SNTG2: variants seen among roughly 807,000 people sequenced by gnomAD.
The protein encoded by SNTG2 is gamma-2-syntrophin.
In SNTG2, 74 loss-of-function variants were observed where a neutral mutation model predicts 70.9. That is an observed-to-expected ratio of 1.04 (90% CI 0.86 to 1.27). The LOEUF (loss-of-function observed/expected upper bound fraction) is 1.27, where lower values mean the gene tolerates loss of function less well. Ranked by LOEUF, SNTG2 falls within the 50% of genes most tolerant of loss-of-function variation. The pLI is 0.00. For missense variants in SNTG2, 717 were observed against 690.7 expected (o/e 1.04, Z -0.43); for synonymous variants, 278 against 273.8 (o/e 1.02, Z -0.15).
chr2:1,009,227 A>G (rs369446512), intron 1 of SNTG2, among the ~76,000 whole-genome samples: 43 of 94,030 alleles, frequency 4.6e-4, no homozygotes, highest in Middle Eastern at 0.014. Flanking sequence ...CTGTGTCCCC[A>G]GGAAGACATG....
At chr2:1,075,623 G>A (rs3936135) in intron 1 of SNTG2, among the ~76,000 whole-genome samples, 1 of 152,064 alleles carries the variant, frequency 6.6e-6, no homozygotes, top group African/African-American at 2.4e-5. Flanking sequence ...CTTCTTATCC[G>A]AATTGTTTTG....
At chr2:1,082,458 G>A (rs918700228) in intron 1 of SNTG2, among the ~76,000 whole-genome samples, 4 of 152,156 alleles carry the variant, frequency 2.6e-5, no homozygotes, top group African/African-American at 4.8e-5. Flanking sequence ...TCCTTCACAC[G>A]TGGGGACCTC....
At chr2:951,104 C>G in intron 1 of SNTG2, 36 bp downstream of exon 1, 1 of 1,085,516 alleles carries the variant, frequency 9.2e-7, no homozygotes, top group Non-Finnish European at 1.2e-6. Context: ...TCACCTCCGG[C>G]CCCCCTTCCC....
intron 8 of SNTG2, among the ~76,000 whole-genome samples, chr2:1,189,148 A>G (rs919186526): frequency 1.3e-5 from 2 of 152,204 alleles, no homozygotes; most frequent in Non-Finnish European, 2.9e-5. Flanking sequence ...AACTACAATT[A>G]TATTCAAAAA....
chr2:1,328,892 CAT>C (rs1316028232), intron 16 of SNTG2, among the ~76,000 whole-genome samples: 4 of 147,460 alleles, frequency 2.7e-5, no homozygotes, highest in African/African-American at 1.0e-4. Context: ...CGCATACACA[CAT>C]GCATGCACAC....
At chr2:1,083,732 A>G (rs1664500061) in intron 2 of SNTG2, 77 bp downstream of exon 2, 2 of 1,528,386 alleles carry the variant, frequency 1.3e-6, no homozygotes, top group Admixed American at 1.8e-5. Context: ...AGTGTGGTTC[A>G]AGAATGATTG....
At chr2:1,192,080 T>G (rs1672629579) in intron 8 of SNTG2, among the ~76,000 whole-genome samples, 2 of 152,136 alleles carry the variant, frequency 1.3e-5, no homozygotes, top group African/African-American at 4.8e-5. Flanking sequence ...ATGAAGTAGT[T>G]GTATATAAAC....
intron 9 of SNTG2, among the ~76,000 whole-genome samples, chr2:1,224,997 A>G (rs1300631225): frequency 6.6e-6 from 1 of 152,254 alleles, no homozygotes; most frequent in East Asian, 1.9e-4. Context: ...AGCAGTGGCC[A>G]TTCACGTGGC....
At chr2:1,093,634 A>G (rs1474871490) in intron 2 of SNTG2, among the ~76,000 whole-genome samples, 1 of 152,270 alleles carries the variant, frequency 6.6e-6, no homozygotes, top group Non-Finnish European at 1.5e-5. Context: ...ACTTTGACAC[A>G]CTGAAGTCCT....
At chr2:1,116,589 C>G (rs373123187) in intron 4 of SNTG2, among the ~76,000 whole-genome samples, 91 of 144,264 alleles carry the variant, frequency 6.3e-4, no homozygotes, top group African/African-American at 2.2e-3. Context: ...TGTACGGGTG[C>G]CCCGGTGTTC....
Position 1,295,648 on chromosome 2 carries a change from A to G in SNTG2, c.1285-12846A>G, listed in dbSNP as rs1442951312. Reference sequence around the variant, plus strand: ...AAGGCTGAGTCTCCCATGTTGGGGTACGAGGGTCAGGCAGGTGTCTCCATC... The same window carrying G: ...AAGGCTGAGTCTCCCATGTTGGGGTGCGAGGGTCAGGCAGGTGTCTCCATC... On this transcript the variant is annotated intron_variant, in intron 14 of 16. Coordinates refer to ENST00000308624, the MANE Select transcript of SNTG2 (RefSeq NM_018968.4). Among the ~76,000 whole-genome samples the G allele has an allele frequency of 8.4e-5, 11 of 130,230 alleles. No homozygotes were observed. The East Asian group carries it at 1.0e-3, about 12-fold the overall frequency. The allele number at this position is 130,230 out of a possible 152,430, so 85.4% of individuals were successfully genotyped here.
At chr2:1,282,076 G>T (rs1234814701) in intron 14 of SNTG2, among the ~76,000 whole-genome samples, 1 of 152,160 alleles carries the variant, frequency 6.6e-6, no homozygotes, top group African/African-American at 2.4e-5. Flanking sequence ...TATCAAAACC[G>T]TAATAAATAT....
At chr2:1,185,476 C>A (rs529441397) in intron 8 of SNTG2, among the ~76,000 whole-genome samples, 1 of 152,174 alleles carries the variant, frequency 6.6e-6, no homozygotes, top group Non-Finnish European at 1.5e-5. Flanking sequence ...TCCCCTGCAG[C>A]AGACTTCTGC....
chr2:1,231,159 A>T (rs1303466253), intron 9 of SNTG2, among the ~76,000 whole-genome samples: 3 of 150,692 alleles, frequency 2.0e-5, no homozygotes, highest in Non-Finnish European at 4.4e-5. Context: ...CCTACTTAGG[A>T]TAATGACAGT....
At chr2:1,319,217 G>A (rs970471291) in intron 16 of SNTG2, among the ~76,000 whole-genome samples, 1 of 152,228 alleles carries the variant, frequency 6.6e-6, no homozygotes, top group African/African-American at 2.4e-5. Context: ...TCGCTGCCTT[G>A]TGATGCTTTG....
chr2:1,208,623 C>G (rs1304150714), intron 8 of SNTG2, among the ~76,000 whole-genome samples: 1 of 152,070 alleles, frequency 6.6e-6, no homozygotes, highest in Non-Finnish European at 1.5e-5. Flanking sequence ...ACTTTTCCAT[C>G]TGGGCCCGGC....
intron 1 of SNTG2, among the ~76,000 whole-genome samples, chr2:1,063,539 C>A (rs1054095191): frequency 6.6e-6 from 1 of 152,106 alleles, no homozygotes; most frequent in African/African-American, 2.4e-5. Flanking sequence ...CAGGGATGAC[C>A]CTGATGTCAG....
chr2:1,051,175 T>TCCCC (rs755496961), intron 1 of SNTG2, among the ~76,000 whole-genome samples: 1 of 132,730 alleles, frequency 7.5e-6, no homozygotes. Context: ...TCTTCCTCCC[T>TCCCC]CCCTCCTTCC....
chr2:1,207,560 G>A (rs1292047736), intron 8 of SNTG2, among the ~76,000 whole-genome samples: 1 of 152,222 alleles, frequency 6.6e-6, no homozygotes, highest in African/African-American at 2.4e-5. Flanking sequence ...GGGCAGGGAT[G>A]CAAAGATGAT....
Sources: allele counts gnomAD v4.1 joint callset (sites outside exome capture counted in the v4.1 genomes callset), GRCh38; gene constraint gnomAD v4.1.1; transcripts MANE v1.5; gene names NCBI Gene and HGNC (gene_info 2026-07-23, HGNC 2026-07-21).